The following SHC4 variants were observed in gnomAD, a reference collection of about 807,000 sequenced individuals.
SHC4 encodes SHC adaptor protein 4.
SHC4 carries 41 observed loss-of-function variants against 69.4 expected under a neutral mutation model. The ratio of observed to expected loss-of-function variants is 0.59; its 90% CI spans 0.46 to 0.77. The LOEUF (loss-of-function observed/expected upper bound fraction) is 0.77. SHC4 is among the 30% of genes least tolerant of loss of function. The pLI is 0.00. For missense variants in SHC4, 777 were observed against 783.8 expected, an observed-to-expected ratio of 0.99 and a Z score of 0.10; for synonymous variants, 318 against 299.3, an observed-to-expected ratio of 1.06 and a Z score of -0.64.
intron 11 of SHC4, among the ~76,000 whole-genome samples, chr15:48,830,200 A>C (rs185599853): frequency 2.0e-4 from 30 of 152,108 alleles, no homozygotes; most frequent in Admixed American, 1.9e-3. Context: ...TGTTTTGTGT[A>C]TCTTCTAGAA....
intron 1 of SHC4, among the ~76,000 whole-genome samples, chr15:48,935,527 G>A (rs1238574323): frequency 6.6e-6 from 1 of 152,142 alleles, no homozygotes; most frequent in East Asian, 1.9e-4. Context: ...ATCCTAACTG[G>A]ACCATTTGTA....
intron 2 of SHC4, among the ~76,000 whole-genome samples, chr15:48,905,119 C>T (rs1445069088): frequency 5.3e-5 from 8 of 152,146 alleles, no homozygotes; most frequent in African/African-American, 1.9e-4. Context: ...TTTTCTCTAA[C>T]CAGCAGTGAC....
At chr15:48,893,884 G>A (rs1900177311) in intron 2 of SHC4, among the ~76,000 whole-genome samples, 1 of 152,192 alleles carries the variant, frequency 6.6e-6, no homozygotes, top group South Asian at 2.1e-4. Context: ...AGGATTGCTT[G>A]AGCCCAGGAG....
intron 1 of SHC4, among the ~76,000 whole-genome samples, chr15:48,928,134 G>A (rs905471850): frequency 3.3e-5 from 5 of 151,288 alleles, no homozygotes; most frequent in Non-Finnish European, 5.9e-5. Flanking sequence ...GAGTACAAGA[G>A]CACCCAGGAC....
chr15:48,878,766 A>G, intron 4 of SHC4: 1 of 1,584,818 alleles, frequency 6.3e-7, no homozygotes, highest in South Asian at 1.1e-5. Flanking sequence ...AGAGGAGGAA[A>G]CTACTTGAGG....
In SHC4 at chr15:48,921,284, A is replaced by T. The variant is rs529770307; in HGVS notation, c.656+3595T>A. ...CAAATCCATAGACACAAAAAGTAGA[A>T]CAGTGGTTGCCAGGGGCTGGGGAGG... On this transcript the variant is annotated intron_variant, in intron 2 of 11. Transcript: ENST00000332408. Among the ~76,000 whole-genome samples, 6 of 152,114 alleles carry T rather than the reference A, an allele frequency of 3.9e-5. No homozygotes were observed. The East Asian group carries it at 9.7e-4, about 25-fold the overall frequency.
At chr15:48,857,649 C>CAT (rs537651405) in intron 7 of SHC4, 43 bp downstream of exon 7, 1,301 of 1,444,672 alleles carry the variant, frequency 9.0e-4, no homozygotes, top group Middle Eastern at 5.7e-3. Flanking sequence ...TAAATGCACA[C>CAT]ATATATATAT....
At position 48,823,934 on chromosome 15, in the gene SHC4, T is replaced by A. The variant is rs1898644455; in HGVS notation, c.*2037A>T. On this transcript the variant is annotated 3_prime_UTR_variant, in exon 12 of 12. Coordinates refer to ENST00000332408, the MANE Select transcript of SHC4 (RefSeq NM_203349.4). Reference sequence around the variant, plus strand: ...GTATTTAACTACTATACTATTACAGTCAAATACTGATTATCCATGTGTACT... The same window carrying A: ...GTATTTAACTACTATACTATTACAGACAAATACTGATTATCCATGTGTACT... The A allele has an allele frequency of 6.6e-6, 1 of 152,212 alleles. No individual in the cohort carries two copies. The highest frequency in any genetic ancestry group is 2.4e-5 in the African/African-American group (1 of 41,448). The allele number at this position is 152,212 out of a possible 1,614,324, so 9.4% of individuals were successfully genotyped here.
chr15:48,846,425 C>T (rs1468096178), intron 9 of SHC4, among the ~76,000 whole-genome samples: 1 of 152,170 alleles, frequency 6.6e-6, no homozygotes, highest in Non-Finnish European at 1.5e-5. Context: ...GTCATTGATG[C>T]TGGGCCTCCA....
chr15:48,829,698 T>C (rs1306988560), intron 11 of SHC4, among the ~76,000 whole-genome samples: 1 of 152,170 alleles, frequency 6.6e-6, no homozygotes, highest in African/African-American at 2.4e-5. Flanking sequence ...GCAGGTGGAT[T>C]ACCTGAGGTC....
intron 4 of SHC4, among the ~76,000 whole-genome samples, chr15:48,882,207 T>C (rs1899959007): frequency 6.6e-6 from 1 of 152,196 alleles, no homozygotes; most frequent in South Asian, 2.1e-4. Context: ...ATAAAGCTTC[T>C]TGAGTTGAGG....
At chr15:48,941,986 G>T (rs1033858730) in intron 1 of SHC4, among the ~76,000 whole-genome samples, 3 of 151,906 alleles carry the variant, frequency 2.0e-5, no homozygotes, top group Admixed American at 2.0e-4. Flanking sequence ...TTATAAATGA[G>T]AACATGCAGT....
At chr15:48,871,554 G>C (rs939700042) in intron 5 of SHC4, among the ~76,000 whole-genome samples, 2 of 152,150 alleles carry the variant, frequency 1.3e-5, no homozygotes, top group Non-Finnish European at 2.9e-5. Flanking sequence ...TGGGAAGTGA[G>C]TATCACATGA....
At chr15:48,950,089 T>A (rs1292909629) in intron 1 of SHC4, among the ~76,000 whole-genome samples, 1 of 90,496 alleles carries the variant, frequency 1.1e-5, no homozygotes, top group Non-Finnish European at 3.1e-5. Context: ...TAAAATATAT[T>A]TTTATAATAT....
intron 1 of SHC4, among the ~76,000 whole-genome samples, chr15:48,939,873 G>A (rs753826582): frequency 2.0e-5 from 3 of 152,218 alleles, no homozygotes; most frequent in Non-Finnish European, 2.9e-5. Flanking sequence ...GCTCTGAAAG[G>A]TTAGGCAAAA....
intron 5 of SHC4, among the ~76,000 whole-genome samples, chr15:48,871,705 G>A (rs1034949384): frequency 1.3e-5 from 2 of 152,176 alleles, no homozygotes; most frequent in South Asian, 2.1e-4. Context: ...GATTAGTAAA[G>A]TGTTCCAGAA....
intron 2 of SHC4, among the ~76,000 whole-genome samples, chr15:48,917,366 A>T (rs1474074505): frequency 6.6e-6 from 1 of 152,072 alleles, no homozygotes; most frequent in Non-Finnish European, 1.5e-5. Flanking sequence ...TTTTAAAAAC[A>T]TAAGGAATAC....
chr15:48,860,333 CG>C (rs1161181797), intron 6 of SHC4, among the ~76,000 whole-genome samples: 5 of 151,618 alleles, frequency 3.3e-5, no homozygotes, highest in African/African-American at 1.2e-4. Flanking sequence ...GGTGAAACCC[CG>C]TATCTATTAA....
chr15:48,837,105 A>T (rs117197214), intron 10 of SHC4, among the ~76,000 whole-genome samples: 6,365 of 152,280 alleles, frequency 0.042, 172 homozygotes, highest in South Asian at 0.07. Flanking sequence ...ACACGTCTTA[A>T]TGCGTGATGG....
Sources: gnomAD v4.1 joint callset for allele counts (sites outside exome capture counted in the v4.1 genomes callset) on GRCh38, gnomAD v4.1.1 for gene constraint, MANE v1.5 for transcripts, NCBI Gene and HGNC (gene_info 2026-07-23, HGNC 2026-07-21) for gene names.